Variants in PSTPIP2 observed in about 807,000 individuals in gnomAD.
PSTPIP2 encodes proline-serine-threonine phosphatase-interacting protein 2.
A neutral mutation model predicts 63.3 loss-of-function variants in PSTPIP2; 33 were observed. The observed-to-expected ratio is 0.52, with a 90% confidence interval of 0.40 to 0.70. The LOEUF (loss-of-function observed/expected upper bound fraction) is 0.70, where lower values mean the gene tolerates loss of function less well. Among genes scored for constraint, PSTPIP2 ranks in the 30% least tolerant of loss-of-function variants. The pLI, the probability that PSTPIP2 is intolerant of heterozygous loss-of-function variation, is 0.00. For missense variants in PSTPIP2, 312 were observed against 400.7 expected (o/e 0.78, Z 1.89); for synonymous variants, 125 against 132.7 (o/e 0.94, Z 0.40).
intron 3 of PSTPIP2, among the ~76,000 whole-genome samples, chr18:46,019,324 C>A (rs2051887126): frequency 2.0e-5 from 3 of 152,152 alleles, no homozygotes; most frequent in Admixed American, 6.5e-5. Flanking sequence ...CTTTCAGCTA[C>A]CTTACTTTTC....
intron 14 of PSTPIP2, among the ~76,000 whole-genome samples, chr18:45,986,406 G>A (rs2051466556): frequency 6.6e-6 from 1 of 152,328 alleles, no homozygotes; most frequent in African/African-American, 2.4e-5. Flanking sequence ...GTTGGGTCAA[G>A]TGGTACTATT....
At chr18:46,012,500 C>T (rs188344879) in intron 4 of PSTPIP2, among the ~76,000 whole-genome samples, 6 of 152,268 alleles carry the variant, frequency 3.9e-5, no homozygotes, top group South Asian at 4.1e-4. Context: ...GTTGGCCAGG[C>T]GCAGTGGCTC....
intron 9 of PSTPIP2, chr18:45,994,030 A>C (rs1298217040): frequency 3.0e-6 from 1 of 336,378 alleles, no homozygotes; most frequent in South Asian, 2.6e-5. Flanking sequence ...AGCCTGCCAG[A>C]GCCTCAGATT....
chr18:46,063,048 G>A (rs1909045262), intron 1 of PSTPIP2, among the ~76,000 whole-genome samples: 1 of 152,168 alleles, frequency 6.6e-6, no homozygotes, highest in Non-Finnish European at 1.5e-5. Flanking sequence ...TGTCATCCAG[G>A]TTGCAGTGCA....
intron 2 of PSTPIP2, among the ~76,000 whole-genome samples, chr18:46,027,797 T>G (rs547757054): frequency 6.6e-6 from 1 of 152,126 alleles, no homozygotes; most frequent in Admixed American, 6.6e-5. Flanking sequence ...ATTGAAATAA[T>G]AGTCTCTTTA....
chr18:46,014,033 T>TC (rs915329869), intron 4 of PSTPIP2, among the ~76,000 whole-genome samples: 4 of 148,688 alleles, frequency 2.7e-5, no homozygotes, highest in African/African-American at 9.9e-5. Flanking sequence ...GAAGGGATCT[T>TC]TTTTTTTTTT....
chr18:46,068,388 C>T (rs1369166375), intron 1 of PSTPIP2, among the ~76,000 whole-genome samples: 1 of 152,122 alleles, frequency 6.6e-6, no homozygotes, highest in African/African-American at 2.4e-5. Flanking sequence ...AGCTCCACCT[C>T]CCAAGTTCAC....
At chr18:46,071,939 G>A (rs1442563396) in intron 1 of PSTPIP2, among the ~76,000 whole-genome samples, 1 of 152,182 alleles carries the variant, frequency 6.6e-6, no homozygotes, top group Admixed American at 6.5e-5. Flanking sequence ...GGTAGCGGGG[G>A]ACAGAGAGGG....
chr18:45,992,491 G>C (rs913120473), intron 10 of PSTPIP2, among the ~76,000 whole-genome samples: 7 of 151,516 alleles, frequency 4.6e-5, no homozygotes, highest in African/African-American at 1.5e-4. Flanking sequence ...GAACCCAGGA[G>C]GTGGAGATTG....
intron 4 of PSTPIP2, among the ~76,000 whole-genome samples, chr18:46,015,061 GAAGA>G (rs1475823196): frequency 6.6e-6 from 1 of 152,074 alleles, no homozygotes; most frequent in African/African-American, 2.4e-5. Context: ...CAGGTTTCCA[GAAGA>G]AAGAAATGCA....
intron 1 of PSTPIP2, among the ~76,000 whole-genome samples, chr18:46,067,126 G>A (rs550483852): frequency 1.8e-4 from 27 of 152,168 alleles, no homozygotes; most frequent in African/African-American, 6.3e-4. Flanking sequence ...AATTGTTCAT[G>A]ACTCTATCTT....
Position 46,005,247 on chromosome 18 carries a change from T to A in PSTPIP2, c.417+222A>T, listed in dbSNP as rs2051712620. Among the ~76,000 whole-genome samples, 2 of 152,248 alleles carry A rather than the reference T, an allele frequency of 1.3e-5. 1 individual carries two copies. The highest frequency in any genetic ancestry group is 6.8e-3 in the Middle Eastern group (2 of 294). On this transcript the variant is annotated intron_variant, in intron 6 of 14. Coordinates refer to ENST00000409746, the MANE Select transcript of PSTPIP2 (RefSeq NM_024430.4). The stretch of plus-strand genomic sequence containing the variant: ...AGAGGAGGGAGAGGAGCAGAAAAGA[T>A]AACTATTGGGTACTGAACTTAATCT...
intron 1 of PSTPIP2, among the ~76,000 whole-genome samples, chr18:46,066,557 G>A (rs1192320235): frequency 6.6e-6 from 1 of 152,186 alleles, no homozygotes; most frequent in Non-Finnish European, 1.5e-5. Context: ...TCTTCAACAA[G>A]TTGCTGTGTT....
chr18:45,997,075 A>C (rs2051603802), intron 9 of PSTPIP2, among the ~76,000 whole-genome samples: 1 of 152,256 alleles, frequency 6.6e-6, no homozygotes, highest in Non-Finnish European at 1.5e-5. Flanking sequence ...CCAACATTAG[A>C]CTAAAATTTG....
intron 1 of PSTPIP2, 59 bp from the exon 2 acceptor site, chr18:46,040,106 G>C (rs1908137618): frequency 1.2e-5 from 17 of 1,363,428 alleles, no homozygotes; most frequent in Non-Finnish European, 1.6e-5. Flanking sequence ...CAAGGCCGGA[G>C]AGAAGATAAG....
intron 2 of PSTPIP2, among the ~76,000 whole-genome samples, chr18:46,028,025 G>C (rs113431226): frequency 0.012 from 1,836 of 152,298 alleles, 39 homozygotes; most frequent in African/African-American, 0.042. Flanking sequence ...GCCAGGAGTG[G>C]TGGCGCGTGC....
chr18:46,064,112 G>A (rs1909085788), intron 1 of PSTPIP2, among the ~76,000 whole-genome samples: 1 of 152,158 alleles, frequency 6.6e-6, no homozygotes, highest in Non-Finnish European at 1.5e-5. Flanking sequence ...CCAATCAGGG[G>A]CTTGTAGATG....
intron 11 of PSTPIP2, 31 bp from the exon 12 acceptor site, chr18:45,992,014 A>G: frequency 6.3e-7 from 1 of 1,598,810 alleles, no homozygotes. Context: ...CAGGACATGA[A>G]GAGGCAGGCG....
intron 1 of PSTPIP2, among the ~76,000 whole-genome samples, chr18:46,053,563 A>G (rs141755111): frequency 6.6e-6 from 1 of 152,326 alleles, no homozygotes; most frequent in East Asian, 1.9e-4. Flanking sequence ...TTGATGTGAA[A>G]CACATGTGAA....
Sources: gnomAD v4.1 joint callset for allele counts (sites outside exome capture counted in the v4.1 genomes callset) on GRCh38, gnomAD v4.1.1 for gene constraint, MANE v1.5 for transcripts, NCBI Gene and HGNC (gene_info 2026-07-23, HGNC 2026-07-21) for gene names.